Variants in PPARGC1B observed in about 807,000 individuals in gnomAD.
The protein encoded by PPARGC1B is peroxisome proliferator-activated receptor gamma coactivator 1-beta.
Under a neutral mutation model 101.6 loss-of-function variants are expected in PPARGC1B, and 34 were observed. The ratio of observed to expected loss-of-function variants is 0.33; its 90% CI spans 0.25 to 0.45. The LOEUF is 0.45. Among genes scored for constraint, PPARGC1B ranks in the 20% least tolerant of loss-of-function variants. The probability of loss-of-function intolerance (pLI) is 1.00; values close to 1 mark genes in which losing one functional copy is unlikely to be tolerated. For missense variants in PPARGC1B, 1,234 were observed against 1,317.6 expected (o/e 0.94, Z 0.98); for synonymous variants, 548 against 539.3 (o/e 1.02, Z -0.22).
chr5:149,731,563 G>A (rs1754469009), intron 1 of PPARGC1B, among the ~76,000 whole-genome samples: 1 of 152,010 alleles, frequency 6.6e-6, no homozygotes, highest in African/African-American at 2.4e-5. Context: ...ACCTGGAGTG[G>A]GAGCGCCGGT....
intron 1 of PPARGC1B, among the ~76,000 whole-genome samples, chr5:149,752,761 G>A (rs1309092015): frequency 5.3e-5 from 8 of 152,142 alleles, no homozygotes; most frequent in East Asian, 1.9e-4. Flanking sequence ...CCCGGGAGAC[G>A]GAGGTTGCAG....
intron 1 of PPARGC1B, among the ~76,000 whole-genome samples, chr5:149,776,280 C>T (rs1436478902): frequency 6.6e-6 from 1 of 152,226 alleles, no homozygotes; most frequent in African/African-American, 2.4e-5. Context: ...TGGGCAAATT[C>T]CTTTCCCTCT....
At chr5:149,828,666 TTGAGTGCCTC>T (rs1758624114) in intron 3 of PPARGC1B, among the ~76,000 whole-genome samples, 1 of 152,208 alleles carries the variant, frequency 6.6e-6, no homozygotes. Context: ...TACATGCTTA[TTGAGTGCCTC>T]TGTTTCAGCC....
rs895378153 is a variant in PPARGC1B at position 149,837,179 on chromosome 5, C to T, written c.2618+106C>T. ...GATCCCTGGGAAGCTTGCTCTGAAA[C>T]TGAGGCTGCATCTCCCAGTGTGGCC... On this transcript the variant is annotated intron_variant, in intron 8 of 11. Coordinates refer to ENST00000309241, the MANE Select transcript of PPARGC1B (RefSeq NM_133263.4). The surrounding 1 kb of genome is among the most constrained non-coding windows in gnomAD (Gnocchi z 4.2). 5 of 1,481,112 alleles carry T rather than the reference C, an allele frequency of 3.4e-6. No homozygotes were observed. The highest frequency in any genetic ancestry group is 1.4e-5 in the African/African-American group (1 of 71,088). The allele number at this position is 1,481,112 out of a possible 1,614,324, so 91.7% of individuals were successfully genotyped here. A position where few individuals can be genotyped will look rare whatever the true frequency, so the allele number is the denominator to read the frequency against.
intron 3 of PPARGC1B, among the ~76,000 whole-genome samples, chr5:149,829,951 CT>C (rs1758683584): frequency 7.2e-6 from 1 of 139,254 alleles, no homozygotes; most frequent in South Asian, 2.4e-4. Flanking sequence ...AGGAGAATCG[CT>C]TGAACCCGTG....
rs1007593479 is a variant in PPARGC1B, at chr5:149,785,589, G to A, written c.79-34844G>A. On this transcript the variant is annotated intron_variant, in intron 1 of 11. Transcript: ENST00000309241. ...TTTTGGTGCCAGGTAATTATAGAGAGCCTGCTGTGCGCTTGGCCTTGGCCT... is the reference window on the plus strand; with the variant it reads ...TTTTGGTGCCAGGTAATTATAGAGAACCTGCTGTGCGCTTGGCCTTGGCCT... Among the ~76,000 whole-genome samples the A allele has an allele frequency of 2.6e-5, 4 of 152,198 alleles. No individual in the cohort carries two copies. The East Asian group carries it at 7.7e-4, about 29-fold the overall frequency.
intron 1 of PPARGC1B, among the ~76,000 whole-genome samples, chr5:149,741,690 C>G (rs983673411): frequency 6.6e-6 from 1 of 150,644 alleles, no homozygotes. Flanking sequence ...TGCAGTGGCG[C>G]GATCTCAGCT....
chr5:149,801,574 C>T (rs1157343404), intron 1 of PPARGC1B, among the ~76,000 whole-genome samples: 1 of 152,128 alleles, frequency 6.6e-6, no homozygotes, highest in Non-Finnish European at 1.5e-5. Context: ...GCAGGAGACA[C>T]ACCGTGCAGG....
At position 149,853,132 on chromosome 5, in the gene PPARGC1B, A is replaced by G. The variant is rs548557832; in HGVS notation, c.*5574A>G. ...CTTTTTCACTTGACCACCCTTGCTC[A>G]TTGGTTACTTGTGAAGGGAATTGGT... On this transcript the variant is annotated 3_prime_UTR_variant, in exon 12 of 12. Transcript: ENST00000309241. The surrounding 1 kb of genome is among the most constrained non-coding windows in gnomAD (Gnocchi z 4.2). The G allele has an allele frequency of 4.3e-4, 65 of 152,038 alleles. No homozygotes were observed. The highest frequency in any genetic ancestry group is 1.5e-3 in the African/African-American group (62 of 41,454). The allele number at this position is 152,038 out of a possible 1,614,324, so 9.4% of individuals were successfully genotyped here.
intron 1 of PPARGC1B, among the ~76,000 whole-genome samples, chr5:149,801,002 A>G (rs1309099469): frequency 6.6e-6 from 1 of 152,212 alleles, no homozygotes; most frequent in East Asian, 1.9e-4. Context: ...CCTATGGGTC[A>G]TGGACATATG....
chr5:149,767,227 C>T (rs974852380), intron 1 of PPARGC1B, among the ~76,000 whole-genome samples: 9 of 152,090 alleles, frequency 5.9e-5, no homozygotes, highest in Admixed American at 2.0e-4. Flanking sequence ...AGCTTTGGGA[C>T]CTATGTGGGT....
In PPARGC1B at chr5:149,832,952, C is replaced by T. The variant is rs773791228; in HGVS notation, c.879C>T (p.Tyr293=). The change falls in exon 5 of 12, where the codon TAC becomes TAT. Residue 293 remains tyrosine, a synonymous_variant. Transcript: ENST00000309241. This position sits in a 1 kb window ranked among gnomAD's most constrained non-coding sequence, Gnocchi z 4.9. ...DMQAMVQLIR[Y]MHTYCLPQRK... is the part of the protein sequence containing the mutation. ...AGGCGATGGTGCAACTCATACGCTA[C>T]ATGCACACCTACTGCCTCCCCCAGA... The T allele has an allele frequency of 9.9e-6, 16 of 1,613,124 alleles. No individual in the cohort carries two copies. Among genetic ancestry groups the T allele is most frequent in the Non-Finnish European group, 1.4e-5 (16 of 1,180,032 alleles).
chr5:149,739,435 A>C (rs530105084), intron 1 of PPARGC1B, among the ~76,000 whole-genome samples: 1 of 152,236 alleles, frequency 6.6e-6, no homozygotes, highest in East Asian at 1.9e-4. Context: ...CTTACCTGGG[A>C]TTTGAACCTT....
At chr5:149,753,716 C>T (rs1374825398) in intron 1 of PPARGC1B, among the ~76,000 whole-genome samples, 2 of 151,996 alleles carry the variant, frequency 1.3e-5, no homozygotes, top group Admixed American at 1.3e-4. Context: ...TTTTCTGAGA[C>T]GGAGTCTTGC....
At chr5:149,840,177 G>A (rs926001194) in intron 9 of PPARGC1B, 61 bp downstream of exon 9, 3 of 1,512,130 alleles carry the variant, frequency 2.0e-6, no homozygotes, top group African/African-American at 1.4e-5. Flanking sequence ...GTGTGTGGGG[G>A]CTTCATGGAC....
At chr5:149,769,383 T>C (rs1756037589) in intron 1 of PPARGC1B, among the ~76,000 whole-genome samples, 1 of 152,242 alleles carries the variant, frequency 6.6e-6, no homozygotes, top group Admixed American at 6.5e-5. Flanking sequence ...TAACGTCTTA[T>C]ACTTTTCTCA....
chr5:149,789,123 G>A (rs931137943), intron 1 of PPARGC1B, among the ~76,000 whole-genome samples: 4 of 152,126 alleles, frequency 2.6e-5, no homozygotes, highest in Admixed American at 6.5e-5. Flanking sequence ...GTTGTGCTCC[G>A]GCTTAGCAGG....
At chr5:149,740,969 G>C (rs1754884030) in intron 1 of PPARGC1B, among the ~76,000 whole-genome samples, 1 of 152,188 alleles carries the variant, frequency 6.6e-6, no homozygotes, top group South Asian at 2.1e-4. Context: ...GAAGGAAACA[G>C]ACTAGAAACA....
intron 1 of PPARGC1B, among the ~76,000 whole-genome samples, chr5:149,771,055 A>G (rs1400439305): frequency 6.6e-6 from 1 of 152,082 alleles, no homozygotes; most frequent in Non-Finnish European, 1.5e-5. Flanking sequence ...TCCAAACTTC[A>G]TGTTCTAGAA....
Sources: gnomAD v4.1 joint callset for allele counts (sites outside exome capture counted in the v4.1 genomes callset) on GRCh38, gnomAD v4.1.1 for gene constraint, Gnocchi (gnomAD v3.1) non-coding constraint, MANE v1.5 for transcripts, NCBI Gene and HGNC (gene_info 2026-07-23, HGNC 2026-07-21) for gene names.